The following DCDC1 variants were observed in gnomAD, a reference collection of about 807,000 sequenced individuals.
DCDC1 encodes the protein doublecortin domain-containing protein 1.
DCDC1 carries 200 observed loss-of-function variants against 178.3 expected under a neutral mutation model. That is an observed-to-expected ratio of 1.12 (90% CI 1.00 to 1.26). DCDC1 has a LOEUF of 1.26. Among genes scored for constraint, DCDC1 ranks in the 50% most tolerant of loss-of-function variants. The pLI, the probability that DCDC1 is intolerant of heterozygous loss-of-function variation, is 0.00. For synonymous variants in DCDC1, 690 were observed against 604.8 expected, an observed-to-expected ratio of 1.14 and a Z score of -2.07; for missense variants, 1,983 against 1,749.2, an observed-to-expected ratio of 1.13 and a Z score of -2.38.
chr11:31,060,811 T>C (rs1203957854), intron 20 of DCDC1, among the ~76,000 whole-genome samples: 1 of 152,186 alleles, frequency 6.6e-6, no homozygotes, highest in Non-Finnish European at 1.5e-5. Flanking sequence ...TTTGTCTATA[T>C]AAAATTAGGA....
intron 21 of DCDC1, among the ~76,000 whole-genome samples, chr11:30,951,778 A>G (rs1225033499): frequency 1.3e-5 from 2 of 152,112 alleles, no homozygotes; most frequent in Non-Finnish European, 2.9e-5. Context: ...GGGAAAATGT[A>G]ATGAGAAAAA....
At chr11:31,341,885 T>C (rs1020381782) in intron 1 of DCDC1, among the ~76,000 whole-genome samples, 5 of 151,386 alleles carry the variant, frequency 3.3e-5, no homozygotes, top group South Asian at 2.1e-4. Context: ...CTGACTAATA[T>C]ACCCTCTTTC....
intron 20 of DCDC1, among the ~76,000 whole-genome samples, chr11:31,023,980 A>T (rs553249323): frequency 2.3e-4 from 35 of 152,172 alleles, no homozygotes; most frequent in African/African-American, 7.9e-4. Context: ...ACAATAGGAC[A>T]ATATATAGCA....
At chr11:31,165,681 T>G (rs1966721436) in intron 9 of DCDC1, among the ~76,000 whole-genome samples, 1 of 152,200 alleles carries the variant, frequency 6.6e-6, no homozygotes, top group Non-Finnish European at 1.5e-5. Context: ...TATTAGATTA[T>G]TAGTAATTTT....
At chr11:31,163,984 T>C (rs1036803867) in intron 9 of DCDC1, among the ~76,000 whole-genome samples, 4 of 152,176 alleles carry the variant, frequency 2.6e-5, no homozygotes, top group Non-Finnish European at 4.4e-5. Context: ...CAGAGTTATT[T>C]TTATCTTATC....
chr11:31,103,892 C>T, intron 13 of DCDC1, 123 bp from the exon 14 acceptor site: 1 of 632,476 alleles, frequency 1.6e-6, no homozygotes, highest in South Asian at 2.0e-5. Flanking sequence ...AAGTGAGTTT[C>T]CTATTGTATA....
intron 1 of DCDC1, among the ~76,000 whole-genome samples, chr11:31,340,568 G>T (rs1450634111): frequency 6.6e-6 from 1 of 152,172 alleles, no homozygotes; most frequent in Non-Finnish European, 1.5e-5. Context: ...TTCTGTGAAG[G>T]TGTTTTTTTG....
chr11:30,975,971 T>TA lies in DCDC1; in HGVS notation c.2592-23404dup, dbSNP rs561050611. 7.1e-3 allele frequency among the ~76,000 whole-genome samples: 1,076 copies of TA among 152,122 alleles called. 16 individuals carry two copies. Among genetic ancestry groups the TA allele is most frequent in the African/African-American group, 0.025 (1,034 of 41,538 alleles). ...CTGACTTCAAAATATATTACAAGGCTACAGTGACAAAAATAACATGGAATT... is the reference window on the plus strand; with the variant it reads ...CTGACTTCAAAATATATTACAAGGCTAACAGTGACAAAAATAACATGGAATT... On this transcript the variant is annotated intron_variant, in intron 20 of 38. Coordinates refer to ENST00000684477, the MANE Select transcript of DCDC1 (RefSeq NM_001387274.1).
intron 7 of DCDC1, among the ~76,000 whole-genome samples, chr11:31,285,221 C>G (rs1046116312): frequency 2.0e-5 from 3 of 151,888 alleles, no homozygotes; most frequent in African/African-American, 7.3e-5. Flanking sequence ...ACCATATTAT[C>G]AAATTCCATA....
intron 7 of DCDC1, among the ~76,000 whole-genome samples, chr11:31,279,500 C>T (rs990380319): frequency 7.9e-5 from 12 of 152,090 alleles, no homozygotes; most frequent in Non-Finnish European, 2.9e-5. Context: ...CTCAAATGCT[C>T]ATCAATGATA....
At position 30,954,740 on chromosome 11, in the gene DCDC1, A is replaced by C. The variant is rs184115634; in HGVS notation, c.2592-2172T>G. On this transcript the variant is annotated intron_variant, in intron 20 of 38. Coordinates refer to ENST00000684477, the MANE Select transcript of DCDC1 (RefSeq NM_001387274.1). ...AGTGCAGGAGCAGTGCATCACCCAT[A>C]ATTTTCCAGTGCACATGATGGTCAT... Among the ~76,000 whole-genome samples the C allele has an allele frequency of 7.2e-5, 11 of 152,262 alleles. No homozygotes were observed. The East Asian group carries it at 2.1e-3, about 29-fold the overall frequency.
At chr11:30,981,943 T>C (rs1590650323) in intron 20 of DCDC1, among the ~76,000 whole-genome samples, 2 of 152,276 alleles carry the variant, frequency 1.3e-5, no homozygotes, top group East Asian at 1.9e-4. Context: ...AAAACAATCA[T>C]ACTACTGTGA....
chr11:31,179,042 G>A (rs904092077), intron 9 of DCDC1, among the ~76,000 whole-genome samples: 1 of 151,876 alleles, frequency 6.6e-6, no homozygotes, highest in Non-Finnish European at 1.5e-5. Flanking sequence ...TCTCAAAAGA[G>A]AATATAAAAA....
chr11:31,191,140 G>T (rs1970086002), intron 9 of DCDC1, among the ~76,000 whole-genome samples: 2 of 152,066 alleles, frequency 1.3e-5, no homozygotes, highest in Admixed American at 6.6e-5. Context: ...CAGTTATGTT[G>T]TGTTGTTTAG....
chr11:31,158,617 C>T (rs181589998), intron 9 of DCDC1, among the ~76,000 whole-genome samples: 6 of 152,264 alleles, frequency 3.9e-5, no homozygotes, highest in African/African-American at 1.4e-4. Flanking sequence ...TTTCTTGAAA[C>T]AGTGAAGTAT....
chr11:31,101,779 T>TAA (rs35423111), intron 15 of DCDC1, among the ~76,000 whole-genome samples: 2 of 151,934 alleles, frequency 1.3e-5, no homozygotes, highest in Non-Finnish European at 2.9e-5. Flanking sequence ...ATTTATAGTT[T>TAA]AAAAAAACTG....
At chr11:31,042,379 A>G (rs974549649) in intron 20 of DCDC1, among the ~76,000 whole-genome samples, 1 of 152,212 alleles carries the variant, frequency 6.6e-6, no homozygotes. Flanking sequence ...CCACCTTACC[A>G]TCTTATACTA....
chr11:31,251,531 G>T (rs1298922704), intron 8 of DCDC1, among the ~76,000 whole-genome samples: 1 of 152,056 alleles, frequency 6.6e-6, no homozygotes, highest in Non-Finnish European at 1.5e-5. Flanking sequence ...TCTCCAGCTT[G>T]CCAACTATAG....
chr11:31,170,817 T>C (rs1015635475), intron 9 of DCDC1, among the ~76,000 whole-genome samples: 3 of 152,004 alleles, frequency 2.0e-5, no homozygotes, highest in Non-Finnish European at 4.4e-5. Context: ...AGCTTTTTTA[T>C]TTTATTTTAT....
Sources: allele counts gnomAD v4.1 joint callset (sites outside exome capture counted in the v4.1 genomes callset), GRCh38; gene constraint gnomAD v4.1.1; transcripts MANE v1.5; gene names NCBI Gene and HGNC (gene_info 2026-07-23, HGNC 2026-07-21).